The following GLIS3 variants were observed in gnomAD, a reference collection of about 807,000 sequenced individuals.
GLIS3 encodes GLIS family zinc finger 3.
In GLIS3, 53 loss-of-function variants were observed where a neutral mutation model predicts 78.6. That is an observed-to-expected ratio of 0.67 (90% CI 0.54 to 0.85). The LOEUF (loss-of-function observed/expected upper bound fraction) is 0.85. Among genes scored for constraint, GLIS3 ranks in the 40% least tolerant of loss-of-function variants. The pLI is 0.00. For synonymous variants in GLIS3, 684 were observed against 509.9 expected (o/e 1.34, Z -4.60); for missense variants, 1,703 against 1,231.1 (o/e 1.38, Z -5.74).
At chr9:4,297,818 C>A (rs537284526) in intron 1 of GLIS3, among the ~76,000 whole-genome samples, 1 of 152,144 alleles carries the variant, frequency 6.6e-6, no homozygotes, top group Non-Finnish European at 1.5e-5. Flanking sequence ...CTGGAGAAGT[C>A]GGGAGAGGTG....
At chr9:4,293,715 T>TA (rs1357671629) in intron 1 of GLIS3, among the ~76,000 whole-genome samples, 5 of 152,252 alleles carry the variant, frequency 3.3e-5, no homozygotes, top group Non-Finnish European at 7.3e-5. Flanking sequence ...CTTAGAACTT[T>TA]AGAAATCACT....
chr9:4,306,271 C>T (rs1046891288), intron 4 of GLIS3, among the ~76,000 whole-genome samples: 4 of 151,142 alleles, frequency 2.6e-5, no homozygotes, highest in Admixed American at 6.6e-5. Flanking sequence ...AGGGGGGTCT[C>T]GCTATGTTGC....
intron 8 of GLIS3, among the ~76,000 whole-genome samples, chr9:3,867,722 TGTGTGTGCGTGC>T (rs778355011): frequency 0.12 from 1,098 of 8,968 alleles, 4 homozygotes; most frequent in Middle Eastern, 0.43. Flanking sequence ...TTCTTGTGTG[TGTGTGTGCGTGC>T]GTGTGTGTGT....
intron 4 of GLIS3, among the ~76,000 whole-genome samples, chr9:4,007,499 A>C (rs144078735): frequency 2.0e-4 from 30 of 152,228 alleles, no homozygotes; most frequent in Non-Finnish European, 4.1e-4. Context: ...TCTTTGCTAA[A>C]ATGTCAGCTA....
chr9:3,881,974 C>CT (rs1235910637), intron 7 of GLIS3, among the ~76,000 whole-genome samples: 1 of 152,214 alleles, frequency 6.6e-6, no homozygotes, highest in Non-Finnish European at 1.5e-5. Context: ...TACTACTGAG[C>CT]TTTTTTCTGT....
chr9:4,042,093 G>A (rs192112281), intron 4 of GLIS3, among the ~76,000 whole-genome samples: 2 of 152,034 alleles, frequency 1.3e-5, no homozygotes, highest in African/African-American at 4.8e-5. Flanking sequence ...TTTCTGAATA[G>A]AACGCACGTT....
chr9:4,489,748 T>C, the GLIS3 span, among the ~76,000 whole-genome samples: 23 of 152,282 alleles, frequency 1.5e-4, no homozygotes, highest in African/African-American at 4.8e-4. Flanking sequence ...CAAGCCTCCA[T>C]GCTCCAGGGC....
chr9:4,337,141 G>C (rs760725368), intron 2 of GLIS3, among the ~76,000 whole-genome samples: 1 of 152,132 alleles, frequency 6.6e-6, no homozygotes, highest in East Asian at 1.9e-4. Context: ...AACTTTTCCC[G>C]AAAGTAATTT....
At chr9:4,253,851 C>G (rs922889457) in intron 2 of GLIS3, among the ~76,000 whole-genome samples, 2 of 152,178 alleles carry the variant, frequency 1.3e-5, no homozygotes, top group East Asian at 1.9e-4. Context: ...CTTCCCCTGG[C>G]TAGGGGAGGG....
At chr9:4,147,544 T>C (rs1273176685) in intron 2 of GLIS3, 1 of 152,250 alleles carries the variant, frequency 6.6e-6, no homozygotes, top group Admixed American at 6.5e-5. Flanking sequence ...CCAGGGCTAC[T>C]TGCTCTTTGG....
chr9:4,179,558 C>T (rs1319688560), intron 2 of GLIS3, among the ~76,000 whole-genome samples: 1 of 152,080 alleles, frequency 6.6e-6, no homozygotes, highest in Admixed American at 6.6e-5. Flanking sequence ...GTTTTTAACC[C>T]AGGACACACT....
chr9:3,913,336 A>G (rs1255142273), intron 6 of GLIS3, among the ~76,000 whole-genome samples: 1 of 152,212 alleles, frequency 6.6e-6, no homozygotes, highest in African/African-American at 2.4e-5. Flanking sequence ...CATCCATTCT[A>G]TACTCAACAG....
chr9:4,105,969 A>T (rs1334904966), intron 4 of GLIS3, among the ~76,000 whole-genome samples: 1 of 152,180 alleles, frequency 6.6e-6, no homozygotes, highest in African/African-American at 2.4e-5. Flanking sequence ...ACAACTAGAG[A>T]TAATTACAAT....
At chr9:3,954,372 G>C (rs1283885909) in intron 4 of GLIS3, among the ~76,000 whole-genome samples, 2 of 152,204 alleles carry the variant, frequency 1.3e-5, no homozygotes, top group Non-Finnish European at 2.9e-5. Context: ...ATCAGAGCCA[G>C]TCTGCTCACA....
At chr9:3,905,140 A>ATTTTTTTTTTTT (rs369063136) in intron 6 of GLIS3, among the ~76,000 whole-genome samples, 12 of 109,084 alleles carry the variant, frequency 1.1e-4, no homozygotes, top group South Asian at 3.1e-4. Flanking sequence ...GCCCGGTTAA[A>ATTTTTTTTTTTT]TTTTTTTCTT....
the GLIS3 span, among the ~76,000 whole-genome samples, chr9:4,410,409 G>A: frequency 5.3e-5 from 8 of 151,944 alleles, no homozygotes; most frequent in African/African-American, 1.9e-4. Context: ...ACAGTTGTAG[G>A]CCAAAAAGGA....
At chr9:4,269,390 T>C (rs1413144109) in intron 2 of GLIS3, among the ~76,000 whole-genome samples, 1 of 152,214 alleles carries the variant, frequency 6.6e-6, no homozygotes, top group Non-Finnish European at 1.5e-5. Flanking sequence ...GATTCTTATT[T>C]AGGCTACACT....
chr9:4,316,681 C>T (rs59351488), intron 2 of GLIS3, among the ~76,000 whole-genome samples: 7,715 of 152,194 alleles, frequency 0.051, 668 homozygotes, highest in African/African-American at 0.18. Flanking sequence ...TGAGATGGGA[C>T]GGCAGCCTGC....
At chr9:4,020,455 G>A (rs910336272) in intron 4 of GLIS3, among the ~76,000 whole-genome samples, 18 of 152,060 alleles carry the variant, frequency 1.2e-4, no homozygotes, top group Non-Finnish European at 2.6e-4. Context: ...CGTTTACATC[G>A]TACCCAAACA....
Sources: gnomAD v4.1 joint callset for allele counts (sites outside exome capture counted in the v4.1 genomes callset) on GRCh38, gnomAD v4.1.1 for gene constraint, MANE v1.5 for transcripts, NCBI Gene and HGNC (gene_info 2026-07-23, HGNC 2026-07-21) for gene names.